The following CAMSAP2 variants were observed in gnomAD, a reference collection of about 807,000 sequenced individuals.
CAMSAP2 encodes the protein calmodulin regulated spectrin associated protein family member 2.
Under a neutral mutation model 146.1 loss-of-function variants are expected in CAMSAP2, and 26 were observed. The ratio of observed to expected loss-of-function variants is 0.18; its 90% CI spans 0.13 to 0.25. CAMSAP2 has a LOEUF of 0.25. CAMSAP2 is among the 10% of genes least tolerant of loss of function. The pLI is 1.00. For synonymous variants in CAMSAP2, 499 were observed against 596.6 expected, an observed-to-expected ratio of 0.84 and a Z score of 2.38; for missense variants, 1,381 against 1,759.3, an observed-to-expected ratio of 0.78 and a Z score of 3.85.
chr1:200,791,869 G>A (rs1284821973), intron 2 of CAMSAP2, among the ~76,000 whole-genome samples: 1 of 152,064 alleles, frequency 6.6e-6, no homozygotes, highest in Non-Finnish European at 1.5e-5. Context: ...AGGAGGCTGA[G>A]GCAGAAGAAT....
At chr1:200,817,045 C>T (rs1164449254) in intron 4 of CAMSAP2, among the ~76,000 whole-genome samples, 2 of 140,604 alleles carry the variant, frequency 1.4e-5, no homozygotes, top group Non-Finnish European at 3.2e-5. Context: ...CACATACACA[C>T]GTGTATGTGT....
intron 2 of CAMSAP2, among the ~76,000 whole-genome samples, chr1:200,772,122 C>T (rs1665132921): frequency 2.0e-5 from 3 of 152,100 alleles, no homozygotes; most frequent in African/African-American, 7.2e-5. Context: ...AACTATGACT[C>T]ACAGTTAGGA....
chr1:200,829,600 TTTACATCCTCGA>T (rs1347975480), intron 4 of CAMSAP2, among the ~76,000 whole-genome samples: 1 of 152,070 alleles, frequency 6.6e-6, no homozygotes, highest in Non-Finnish European at 1.5e-5. Context: ...TAAGAACTAT[TTTACATCCTCGA>T]TAATAAAACT....
intron 1 of CAMSAP2, among the ~76,000 whole-genome samples, chr1:200,755,015 C>G (rs1664610825): frequency 6.6e-6 from 1 of 152,160 alleles, no homozygotes; most frequent in Admixed American, 6.5e-5. Context: ...ATGGCATCCC[C>G]TTCCATCTGG....
Position 200,849,539 on chromosome 1 carries a change from C to T in CAMSAP2, c.2770C>T (p.Pro924Ser), listed in dbSNP as rs1452113217. The T allele has an allele frequency of 1.2e-6, 2 of 1,614,160 alleles. No individual in the cohort carries two copies. The highest frequency in any genetic ancestry group is 1.1e-5 in the South Asian group (1 of 91,086). ...QQSWVISPPQ[P>S]SPQKQIRDFK... is the part of the protein sequence containing the mutation. ...ATCTTGGGTGATTTCACCTCCACAA[C>T]CCTCTCCACAGAAACAGATTCGAGA... The change falls in exon 11 of 17, where the codon CCC becomes TCC. Residue 924 changes from proline to serine, a missense_variant. Physicochemically the swap from Pro to Ser is moderately conservative, Grantham distance 74 (BLOSUM62 -1). Transcript: ENST00000358823. This position sits in a 1 kb window ranked among gnomAD's most constrained non-coding sequence, Gnocchi z 6.3.
At chr1:200,817,126 G>A (rs1215427570) in intron 4 of CAMSAP2, among the ~76,000 whole-genome samples, 19 of 136,166 alleles carry the variant, frequency 1.4e-4, no homozygotes, top group East Asian at 1.2e-3. Context: ...GTATATACAC[G>A]TATATATGTG....
At chr1:200,805,947 C>T (rs182464978) in intron 2 of CAMSAP2, among the ~76,000 whole-genome samples, 56 of 152,132 alleles carry the variant, frequency 3.7e-4, no homozygotes, top group East Asian at 7.7e-4. Context: ...AAAAAACAGC[C>T]GCTAGTTTAT....
At chr1:200,781,703 G>C (rs1665437726) in intron 2 of CAMSAP2, among the ~76,000 whole-genome samples, 1 of 151,844 alleles carries the variant, frequency 6.6e-6, no homozygotes, top group South Asian at 2.1e-4. Flanking sequence ...ACTATACCCG[G>C]CTAATTTTTT....
intron 7 of CAMSAP2, among the ~76,000 whole-genome samples, chr1:200,842,475 T>A (rs1038163382): frequency 3.9e-5 from 6 of 152,216 alleles, no homozygotes; most frequent in Non-Finnish European, 5.9e-5. Context: ...TAAAAAGGTT[T>A]GTATGGATTT....
chr1:200,847,409 G>T lies in CAMSAP2; in HGVS notation c.1192+117G>T, dbSNP rs548842508. On this transcript the variant is annotated intron_variant, in intron 9 of 16. Coordinates refer to ENST00000358823, the MANE Select transcript of CAMSAP2 (RefSeq NM_203459.4). ...GGTTTTTTTGTGTGTGTGTGTGTGT[G>T]TTTTTTTGTTTGTTTGTTTGTTTTC... 5.1e-4 allele frequency: 378 copies of T among 740,776 alleles called. No individual in the cohort carries two copies. In the East Asian group the frequency reaches 7.6e-3, roughly 15 times the overall value. The allele number at this position is 740,776 out of a possible 1,614,324, so 45.9% of individuals were successfully genotyped here. A position where few individuals can be genotyped will look rare whatever the true frequency, so the allele number is the denominator to read the frequency against.
At chr1:200,825,541 C>T (rs10800742) in intron 4 of CAMSAP2, among the ~76,000 whole-genome samples, 1 of 147,178 alleles carries the variant, frequency 6.8e-6, no homozygotes, top group East Asian at 2.0e-4. Flanking sequence ...GAGTCTTGCT[C>T]TGCCACCCAG....
At chr1:200,838,795 A>T (rs1667246171) in intron 6 of CAMSAP2, among the ~76,000 whole-genome samples, 1 of 152,232 alleles carries the variant, frequency 6.6e-6, no homozygotes, top group Admixed American at 6.5e-5. Flanking sequence ...TTGTGTTCCA[A>T]ACAAGGCAAA....
intron 1 of CAMSAP2, among the ~76,000 whole-genome samples, chr1:200,757,486 A>G (rs1298661012): frequency 1.3e-5 from 2 of 152,158 alleles, no homozygotes; most frequent in African/African-American, 2.4e-5. Context: ...TATTTCATTC[A>G]GCTGTTCTGT....
At position 200,758,973 on chromosome 1, in the gene CAMSAP2, C is replaced by G. The variant is rs79646182; in HGVS notation, c.140-1866C>G. Among the ~76,000 whole-genome samples, 1,046 of 152,158 alleles carry G rather than the reference C, an allele frequency of 6.9e-3. 10 individuals carry two copies. Among genetic ancestry groups the G allele is most frequent in the Middle Eastern group, 0.014 (4 of 294 alleles). ...TTTTATGGCCATCAATATTAAATAC[C>G]AGATTGTTCCAAAACGTCAGTCTTA... is the stretch of plus-strand genomic sequence containing the variant. On this transcript the variant is annotated intron_variant, in intron 1 of 16. Transcript: ENST00000358823.
At chr1:200,815,725 A>G (rs934117008) in intron 4 of CAMSAP2, 81 bp downstream of exon 4, 2 of 663,510 alleles carry the variant, frequency 3.0e-6, no homozygotes, top group Middle Eastern at 2.6e-4. Context: ...GGAAATGTTA[A>G]TTGTGTTTAT....
chr1:200,745,453 A>C (rs1664296182), intron 1 of CAMSAP2, among the ~76,000 whole-genome samples: 1 of 152,172 alleles, frequency 6.6e-6, no homozygotes, highest in East Asian at 1.9e-4. Flanking sequence ...ACAAATATTC[A>C]ATTTGAAAAT....
In CAMSAP2 at chr1:200,760,859, C is replaced by G; in HGVS notation, c.160C>G (p.Gln54Glu). ...FGTENVPEEL[Q>E]EPFYTDQYDQ... ...TATAGAAAATGTGCCAGAGGAACTT[C>G]AAGAACCATTTTACACAGATCAGTA... Residue 54 changes from glutamine (Q) to glutamate (E), a missense_variant, in exon 2 of 17, where the codon CAA (glutamine) becomes GAA (glutamate). Coordinates refer to ENST00000358823, the MANE Select transcript of CAMSAP2 (RefSeq NM_203459.4). 1 of 1,588,668 alleles carries G rather than the reference C, an allele frequency of 6.3e-7. No individual in the cohort carries two copies. Among genetic ancestry groups the G allele is most frequent in the Non-Finnish European group, 8.6e-7 (1 of 1,164,844 alleles).
intron 2 of CAMSAP2, among the ~76,000 whole-genome samples, chr1:200,804,473 A>G (rs1666122467): frequency 6.6e-6 from 1 of 152,080 alleles, no homozygotes; most frequent in Admixed American, 6.5e-5. Flanking sequence ...ATCCTCTCTC[A>G]TGTGTTTATA....
At chr1:200,817,248 A>ATG (rs1666620602) in intron 4 of CAMSAP2, among the ~76,000 whole-genome samples, 1 of 10,018 alleles carries the variant, frequency 1.0e-4, no homozygotes, top group African/African-American at 5.0e-4. Flanking sequence ...ACATACACAC[A>ATG]TATGTGTGTG....
Sources: gnomAD v4.1 joint callset for allele counts (sites outside exome capture counted in the v4.1 genomes callset) on GRCh38, gnomAD v4.1.1 for gene constraint, Gnocchi (gnomAD v3.1) non-coding constraint, MANE v1.5 for transcripts, NCBI Gene and HGNC (gene_info 2026-07-23, HGNC 2026-07-21) for gene names.